Variants in TUBGCP3 observed in about 807,000 individuals in gnomAD.
TUBGCP3 encodes tubulin gamma complex component 3, also known as gamma-tubulin complex component 3.
A neutral mutation model predicts 123.1 loss-of-function variants in TUBGCP3; 50 were observed. The ratio of observed to expected loss-of-function variants is 0.41; its 90% CI spans 0.32 to 0.51. TUBGCP3 has a LOEUF of 0.51. TUBGCP3 is among the 20% of genes least tolerant of loss of function. TUBGCP3 has a pLI of 0.36. For synonymous variants in TUBGCP3, 405 were observed against 413.9 expected, an observed-to-expected ratio of 0.98 and a Z score of 0.26; for missense variants, 882 against 1,127.0, an observed-to-expected ratio of 0.78 and a Z score of 3.11.
chr13:112,558,400 G>A lies in TUBGCP3; in HGVS notation c.344C>T (p.Ala115Val). The change falls in exon 5 of 22, where the codon GCT becomes GTT. Residue 115 changes from alanine to valine, a missense_variant. Ala to Val is a moderately conservative substitution (Grantham distance 64). Coordinates refer to ENST00000261965, the MANE Select transcript of TUBGCP3 (RefSeq NM_006322.6). ...TGGTAAGGCCTGAGCAAATAACGTA[G>A]CATAGCTAGAAACCTGAAAAGAGAA... is the stretch of plus-strand genomic sequence containing the variant. ...RRQPSKVSSY[A>V]TLFAQALPRD... is the part of the protein sequence containing the mutation. 1 of 1,565,384 alleles carries A rather than the reference G, an allele frequency of 6.4e-7. No homozygotes were observed. The highest frequency in any genetic ancestry group is 8.7e-7 in the Non-Finnish European group (1 of 1,146,184).
chr13:112,530,648 T>C (rs1877498886), intron 11 of TUBGCP3, among the ~76,000 whole-genome samples: 1 of 152,216 alleles, frequency 6.6e-6, no homozygotes, highest in Non-Finnish European at 1.5e-5. Context: ...CTAGAACCAA[T>C]TCCCCTCGTA....
intron 21 of TUBGCP3, among the ~76,000 whole-genome samples, chr13:112,488,201 C>T (rs73566304): frequency 6.7e-5 from 10 of 150,290 alleles, no homozygotes; most frequent in African/African-American, 1.2e-4. Flanking sequence ...AGAGCGAGTG[C>T]GGTCTCACTT....
At chr13:112,586,716 T>C (rs759189323) in intron 1 of TUBGCP3, among the ~76,000 whole-genome samples, 6 of 152,164 alleles carry the variant, frequency 3.9e-5, no homozygotes, top group Non-Finnish European at 5.9e-5. Flanking sequence ...ATCATCTGTC[T>C]CTTCCAGTAG....
chr13:112,488,992 C>T (rs191156762), intron 21 of TUBGCP3, among the ~76,000 whole-genome samples: 1 of 138,724 alleles, frequency 7.2e-6, no homozygotes, highest in East Asian at 2.3e-4. Flanking sequence ...CCCCCAGGTC[C>T]CCACACCCAC....
chr13:112,537,127 CTT>C (rs58140098), intron 11 of TUBGCP3, among the ~76,000 whole-genome samples: 89 of 78,092 alleles, frequency 1.1e-3, no homozygotes, highest in African/African-American at 1.8e-3. Context: ...TACCTTTTTC[CTT>C]TTTTTTTTTT....
chr13:112,537,148 T>TAAAA (rs1555340955), intron 11 of TUBGCP3, among the ~76,000 whole-genome samples: 1 of 109,064 alleles, frequency 9.2e-6, no homozygotes, highest in African/African-American at 4.4e-5. Flanking sequence ...TTTTTTTTTT[T>TAAAA]AAAAAAAAAA....
chr13:112,597,320 A>C, the TUBGCP3 span, among the ~76,000 whole-genome samples: 1 of 152,244 alleles, frequency 6.6e-6, no homozygotes, highest in Admixed American at 6.5e-5. Flanking sequence ...GATTGGATTA[A>C]GATGGTGTGC....
At chr13:112,490,361 T>C (rs1410193525) in intron 20 of TUBGCP3, among the ~76,000 whole-genome samples, 2 of 152,242 alleles carry the variant, frequency 1.3e-5, no homozygotes, top group African/African-American at 4.8e-5. Context: ...GTTCAAGTGA[T>C]TCTTCTGCCT....
chr13:112,514,016 CG>C (rs1875860562), intron 17 of TUBGCP3, among the ~76,000 whole-genome samples: 2 of 152,126 alleles, frequency 1.3e-5, no homozygotes, highest in South Asian at 4.2e-4. Context: ...TCCAACCCCC[CG>C]GTTAGTCACT....
intron 17 of TUBGCP3, among the ~76,000 whole-genome samples, chr13:112,509,974 T>C (rs1438774913): frequency 6.6e-6 from 1 of 152,214 alleles, no homozygotes; most frequent in Non-Finnish European, 1.5e-5. Context: ...ATGTTTTAAA[T>C]GTGTTTTTAT....
At chr13:112,572,426 A>G (rs536611240) in intron 1 of TUBGCP3, among the ~76,000 whole-genome samples, 1 of 137,700 alleles carries the variant, frequency 7.3e-6, no homozygotes, top group African/African-American at 2.7e-5. Flanking sequence ...CTCACCCCCC[A>G]CCCTCCAACA....
rs1449993185 is a variant in TUBGCP3 at position 112,485,013 on chromosome 13, A to G, written c.*980T>C. 1 of 152,294 alleles carries G rather than the reference A, an allele frequency of 6.6e-6. No individual in the cohort carries two copies. The highest frequency in any genetic ancestry group is 2.4e-5 in the African/African-American group (1 of 41,364). The allele number at this position is 152,294 out of a possible 1,614,324, so 9.4% of individuals were successfully genotyped here. A position where few individuals can be genotyped will look rare whatever the true frequency, so the allele number is the denominator to read the frequency against. ...ACTCAAGAAATAACGAATGCATCTG[A>G]AAGATAATTGCTTTTAATTTTCTAA... On this transcript the variant is annotated 3_prime_UTR_variant, in exon 22 of 22. Coordinates refer to ENST00000261965, the MANE Select transcript of TUBGCP3 (RefSeq NM_006322.6).
At chr13:112,597,258 T>C in the TUBGCP3 span, among the ~76,000 whole-genome samples, 2 of 152,344 alleles carry the variant, frequency 1.3e-5, no homozygotes, top group Admixed American at 1.3e-4. Context: ...AAGCTGTAAA[T>C]AGATTGTCCT....
intron 3 of TUBGCP3, among the ~76,000 whole-genome samples, chr13:112,561,680 A>G (rs1880524715): frequency 6.6e-6 from 1 of 152,226 alleles, no homozygotes; most frequent in African/African-American, 2.4e-5. Flanking sequence ...CCTTCAGCTC[A>G]GAGGATGCCA....
intron 17 of TUBGCP3, among the ~76,000 whole-genome samples, chr13:112,512,988 T>C (rs1450061414): frequency 2.6e-5 from 4 of 152,162 alleles, no homozygotes; most frequent in Non-Finnish European, 5.9e-5. Flanking sequence ...GATGAACGCA[T>C]CCTTGTTTTC....
At chr13:112,580,089 A>G (rs1207958348) in intron 1 of TUBGCP3, among the ~76,000 whole-genome samples, 1 of 152,234 alleles carries the variant, frequency 6.6e-6, no homozygotes, top group African/African-American at 2.4e-5. Context: ...TTGACTGAAC[A>G]CTGTATGACT....
At chr13:112,535,830 G>A (rs993917771) in intron 11 of TUBGCP3, among the ~76,000 whole-genome samples, 13 of 152,140 alleles carry the variant, frequency 8.5e-5, no homozygotes, top group African/African-American at 2.7e-4. Context: ...ACATATCTAA[G>A]AAACTGCTGC....
intron 16 of TUBGCP3, among the ~76,000 whole-genome samples, chr13:112,517,664 G>A (rs1459453151): frequency 6.6e-6 from 1 of 152,186 alleles, no homozygotes; most frequent in Non-Finnish European, 1.5e-5. Flanking sequence ...AGGGAGGCAG[G>A]TGGATCACCT....
intron 5 of TUBGCP3, among the ~76,000 whole-genome samples, chr13:112,557,050 A>T (rs1880107208): frequency 6.6e-6 from 1 of 152,200 alleles, no homozygotes; most frequent in Non-Finnish European, 1.5e-5. Context: ...GAAAGAACTG[A>T]AACAGTTCTT....
Sources: gnomAD v4.1 joint callset for allele counts (sites outside exome capture counted in the v4.1 genomes callset) on GRCh38, gnomAD v4.1.1 for gene constraint, MANE v1.5 for transcripts, NCBI Gene and HGNC (gene_info 2026-07-23, HGNC 2026-07-21) for gene names.